Variants in ADAM12 observed in about 807,000 individuals in gnomAD.
ADAM12 encodes the protein disintegrin and metalloproteinase domain-containing protein 12.
ADAM12 carries 70 observed loss-of-function variants against 106.4 expected under a neutral mutation model. That is an observed-to-expected ratio of 0.66 (90% CI 0.54 to 0.80). ADAM12 has a LOEUF of 0.80. ADAM12 is among the 30% of genes least tolerant of loss of function. The pLI, the probability that ADAM12 is intolerant of heterozygous loss-of-function variation, is 0.00. For synonymous variants in ADAM12, 420 were observed against 433.5 expected (o/e 0.97, Z 0.39); for missense variants, 1,010 against 1,171.9 (o/e 0.86, Z 2.02).
chr10:126,130,423 C>T (rs1956284039), intron 5 of ADAM12, among the ~76,000 whole-genome samples: 1 of 152,208 alleles, frequency 6.6e-6, no homozygotes, highest in Non-Finnish European at 1.5e-5. Flanking sequence ...TCATTAGACC[C>T]ACACAGCGTT....
intron 13 of ADAM12, among the ~76,000 whole-genome samples, chr10:126,065,250 G>C (rs1462294763): frequency 6.6e-6 from 1 of 152,170 alleles, no homozygotes; most frequent in Non-Finnish European, 1.5e-5. Context: ...GCAACATCAG[G>C]GTTCTCCAAG....
intron 3 of ADAM12, among the ~76,000 whole-genome samples, chr10:126,180,368 G>A (rs1196032824): frequency 6.6e-6 from 1 of 152,086 alleles, no homozygotes; most frequent in Non-Finnish European, 1.5e-5. Context: ...GATTCTGGAG[G>A]GGCCCCCCAG....
chr10:126,225,033 C>T (rs1590644047), intron 3 of ADAM12, among the ~76,000 whole-genome samples: 1 of 152,242 alleles, frequency 6.6e-6, no homozygotes, highest in African/African-American at 2.4e-5. Context: ...AGAAGCAACT[C>T]TTTAGAAAGG....
intron 3 of ADAM12, among the ~76,000 whole-genome samples, chr10:126,263,953 G>T (rs1010190791): frequency 6.6e-6 from 1 of 152,174 alleles, no homozygotes; most frequent in Non-Finnish European, 1.5e-5. Flanking sequence ...TATTTGGTAA[G>T]ATAATGAATT....
At chr10:126,183,265 A>T (rs537999122) in intron 3 of ADAM12, among the ~76,000 whole-genome samples, 1 of 152,212 alleles carries the variant, frequency 6.6e-6, no homozygotes, top group South Asian at 2.1e-4. Context: ...TAATAATAGA[A>T]ATAAAGTGCA....
At chr10:126,365,078 G>A (rs923462040) in intron 1 of ADAM12, among the ~76,000 whole-genome samples, 2 of 152,064 alleles carry the variant, frequency 1.3e-5, no homozygotes, top group Admixed American at 6.6e-5. Flanking sequence ...GACCCTGTTG[G>A]GCAAGATACT....
intron 2 of ADAM12, among the ~76,000 whole-genome samples, chr10:126,303,620 T>C (rs1447503010): frequency 9.2e-5 from 14 of 152,156 alleles, no homozygotes; most frequent in African/African-American, 7.2e-5. Context: ...TAAAGGAAAA[T>C]AATTTTTGCA....
intron 1 of ADAM12, among the ~76,000 whole-genome samples, chr10:126,344,751 T>C (rs1038555401): frequency 2.6e-5 from 4 of 152,172 alleles, no homozygotes; most frequent in African/African-American, 9.7e-5. Flanking sequence ...CCCTTGTGAG[T>C]TGGATTCCTA....
intron 3 of ADAM12, among the ~76,000 whole-genome samples, chr10:126,156,606 C>T (rs567762279): frequency 6.6e-6 from 1 of 152,150 alleles, no homozygotes; most frequent in African/African-American, 2.4e-5. Flanking sequence ...GCATTTTGTC[C>T]AATTCTTTGT....
chr10:126,296,549 G>A (rs993749599), intron 2 of ADAM12, among the ~76,000 whole-genome samples: 1 of 152,278 alleles, frequency 6.6e-6, no homozygotes, highest in East Asian at 1.9e-4. Flanking sequence ...TCCCTCAGCT[G>A]TTCTCCCTGC....
At chr10:126,044,126 AT>A (rs1954252402) in intron 17 of ADAM12, among the ~76,000 whole-genome samples, 2 of 152,108 alleles carry the variant, frequency 1.3e-5, no homozygotes, top group Middle Eastern at 3.4e-3. Context: ...TATTTAATAT[AT>A]TTTTTTCTAT....
intron 3 of ADAM12, among the ~76,000 whole-genome samples, chr10:126,191,929 A>AG (rs1254443847): frequency 2.0e-5 from 3 of 152,148 alleles, no homozygotes; most frequent in Non-Finnish European, 4.4e-5. Flanking sequence ...GCAGAAGGTG[A>AG]GGGGGAAGCA....
intron 1 of ADAM12, among the ~76,000 whole-genome samples, chr10:126,349,262 A>C (rs565779937): frequency 6.6e-6 from 1 of 152,200 alleles, no homozygotes; most frequent in Non-Finnish European, 1.5e-5. Context: ...AAGTCTATAC[A>C]CAATGCAGTG....
At chr10:126,351,119 T>C (rs1270694527) in intron 1 of ADAM12, among the ~76,000 whole-genome samples, 1 of 152,208 alleles carries the variant, frequency 6.6e-6, no homozygotes, top group Non-Finnish European at 1.5e-5. Context: ...CCACGGGCAG[T>C]GCCCTCAGCC....
At position 126,332,753 on chromosome 10, in the gene ADAM12, C is replaced by G. The variant is rs548971425; in HGVS notation, c.89-2244G>C. On this transcript the variant is annotated intron_variant, in intron 1 of 22. Transcript: ENST00000448723. ...AAAATGAGGCAGAGCGTGGTGAGCC[C>G]GAGGGAAATCACATGATGTGTGAGG... is the stretch of plus-strand genomic sequence containing the variant. Among the ~76,000 whole-genome samples, 261 of 152,146 alleles carry G rather than the reference C, an allele frequency of 1.7e-3. 7 individuals are homozygous for G. Among genetic ancestry groups the G allele is most frequent in the South Asian group, 0.01 (49 of 4,828 alleles).
chr10:126,363,770 G>C (rs1855816708), intron 1 of ADAM12, among the ~76,000 whole-genome samples: 1 of 152,172 alleles, frequency 6.6e-6, no homozygotes, highest in Non-Finnish European at 1.5e-5. Context: ...ACGGAGACCA[G>C]ACCTGCCCAG....
chr10:126,248,436 A>T (rs890985031), intron 3 of ADAM12, among the ~76,000 whole-genome samples: 1 of 152,094 alleles, frequency 6.6e-6, no homozygotes, highest in African/African-American at 2.4e-5. Flanking sequence ...GGGCCCTCCC[A>T]AACACAGGCC....
At chr10:126,332,015 C>T (rs1435054206) in intron 1 of ADAM12, among the ~76,000 whole-genome samples, 1 of 152,140 alleles carries the variant, frequency 6.6e-6, no homozygotes, top group Non-Finnish European at 1.5e-5. Context: ...TCGCTTGAGC[C>T]CATGCCTTCC....
intron 3 of ADAM12, among the ~76,000 whole-genome samples, chr10:126,161,108 C>G (rs1565105015): frequency 6.6e-6 from 1 of 151,834 alleles, no homozygotes; most frequent in African/African-American, 2.4e-5. Flanking sequence ...CGTCTCCTTA[C>G]TTATTTATCT....
Sources: gnomAD v4.1 joint callset for allele counts (sites outside exome capture counted in the v4.1 genomes callset) on GRCh38, gnomAD v4.1.1 for gene constraint, MANE v1.5 for transcripts, NCBI Gene and HGNC (gene_info 2026-07-23, HGNC 2026-07-21) for gene names.